Variants in ETV7 observed in about 807,000 individuals in gnomAD.
ETV7 encodes the protein ETS variant transcription factor 7.
A neutral mutation model predicts 39.1 loss-of-function variants in ETV7; 43 were observed. The ratio of observed to expected loss-of-function variants is 1.10; its 90% CI spans 0.86 to 1.42. ETV7 has a LOEUF of 1.42. Ranked by LOEUF, ETV7 falls within the 40% of genes most tolerant of loss-of-function variation. The probability of loss-of-function intolerance (pLI) is 0.00; values close to 1 mark genes in which losing one functional copy is unlikely to be tolerated. For missense variants in ETV7, 432 were observed against 442.3 expected (o/e 0.98, Z 0.21); for synonymous variants, 196 against 176.6 (o/e 1.11, Z -0.87).
At position 36,359,662 on chromosome 6, in the gene ETV7, T is replaced by C. The variant is rs1325159008; in HGVS notation, c.909-4975A>G. ...CACCACCTGCCATTTTATTCTGTAT[T>C]GATTTGTTTATTTATCTGTTCTGGT... is the stretch of plus-strand genomic sequence containing the variant. On this transcript the variant is annotated intron_variant, in intron 7 of 7. Transcript: ENST00000339796. 2.0e-5 allele frequency among the ~76,000 whole-genome samples: 3 copies of C among 152,336 alleles called. No individual in the cohort carries two copies. In the East Asian group the frequency reaches 5.8e-4, roughly 29 times the overall value.
exon 8 of ETV7, chr6:36,354,447 G>A: frequency 2.2e-6 from 1 of 450,648 alleles, no homozygotes; most frequent in Non-Finnish European, 3.9e-6. Context: ...GTAAGGTAAG[G>A]GGACAACTTT....
downstream of ETV7, among the ~76,000 whole-genome samples, chr6:36,361,349 C>T (rs944814457): frequency 6.6e-6 from 1 of 152,216 alleles, no homozygotes; most frequent in East Asian, 1.9e-4. Context: ...CCACCAGATA[C>T]GGACATTTCT....
At chr6:36,385,712 G>A (rs778678832) in intron 1 of ETV7, 43 bp from the exon 2 acceptor site, 20 of 1,560,944 alleles carry the variant, frequency 1.3e-5, no homozygotes, top group South Asian at 6.0e-5. Flanking sequence ...GAGCATCTTG[G>A]TGAAGGCTCA....
rs1051497228 is a variant in ETV7, at chr6:36,366,514, C to A, written c.*131G>T. On this transcript the variant is annotated 3_prime_UTR_variant, in exon 8 of 8. Transcript: ENST00000340181. ...TGGGAGGCCTCCCAGCCTTCCCAAG[C>A]AATGGCTGTAATCCTGTGGGTACAG... is the stretch of plus-strand genomic sequence containing the variant. 28 of 1,532,804 alleles carry A rather than the reference C, an allele frequency of 1.8e-5. No individual in the cohort carries two copies. Among genetic ancestry groups the A allele is most frequent in the Non-Finnish European group, 2.4e-5 (28 of 1,143,420 alleles). 95.0% of individuals were successfully genotyped at this position (1,532,804 alleles called of 1,614,324 possible).
intron 3 of ETV7, among the ~76,000 whole-genome samples, chr6:36,373,843 C>T (rs1773170287): frequency 6.6e-6 from 1 of 152,204 alleles, no homozygotes; most frequent in Admixed American, 6.5e-5. Context: ...ATGCAGCTTG[C>T]AAGGTCAGGC....
chr6:36,361,293 C>T (rs956621280), downstream of ETV7, among the ~76,000 whole-genome samples: 10 of 152,206 alleles, frequency 6.6e-5, no homozygotes, highest in Middle Eastern at 3.2e-3. Context: ...GCCCTGACAC[C>T]GGCATTCAAC....
At chr6:36,363,512 A>G (rs1772600172), downstream of ETV7, among the ~76,000 whole-genome samples, 1 of 152,220 alleles carries the variant, frequency 6.6e-6, no homozygotes, top group South Asian at 2.1e-4. Context: ...TGGCTTCAGG[A>G]GTGAAGCTGC....
intron 6 of ETV7, among the ~76,000 whole-genome samples, 187 bp from the exon 7 acceptor site, chr6:36,367,162 G>T (rs1337284223): frequency 6.6e-6 from 1 of 152,158 alleles, no homozygotes; most frequent in Non-Finnish European, 1.5e-5. Flanking sequence ...AAATGATGGG[G>T]CTGGGCAGGG....
At chr6:36,371,258 C>T in intron 5 of ETV7, 72 bp downstream of exon 5, 2 of 1,411,238 alleles carry the variant, frequency 1.4e-6, no homozygotes, top group Non-Finnish European at 1.9e-6. Context: ...ATAGCCCTGT[C>T]CTCATCACTC....
chr6:36,366,242 A>T lies in ETV7; in HGVS notation c.*403T>A. 4 of 1,034,000 alleles carry T rather than the reference A, an allele frequency of 3.9e-6. No individual in the cohort carries two copies. The highest frequency in any genetic ancestry group is 7.8e-5 in the South Asian group (2 of 25,564). 64.1% of individuals were successfully genotyped at this position (1,034,000 alleles called of 1,614,324 possible). On this transcript the variant is annotated 3_prime_UTR_variant, in exon 8 of 8. Transcript: ENST00000340181. ...TACTGAGGCTGTCAGTGCCGCCTGG[A>T]AGCACTAACACTTTTTCCCATTTCC...
At chr6:36,374,146 C>T (rs971677114) in intron 3 of ETV7, among the ~76,000 whole-genome samples, 1 of 152,060 alleles carries the variant, frequency 6.6e-6, no homozygotes, top group Non-Finnish European at 1.5e-5. Context: ...TTGCTTGAAC[C>T]CAGGAGTTTG....
At chr6:36,375,845 G>A (rs1438060714) in intron 3 of ETV7, 26 bp downstream of exon 3, 3 of 1,613,644 alleles carry the variant, frequency 1.9e-6, no homozygotes, top group African/African-American at 1.3e-5. Context: ...TTCCCGCTTA[G>A]AGGAAAGCCT....
At position 36,385,570 on chromosome 6, in the gene ETV7, C is replaced by G; in HGVS notation, c.106G>C (p.Gly36Arg). The G allele has an allele frequency of 6.2e-7, 1 of 1,614,236 alleles. No homozygotes were observed. Among genetic ancestry groups the G allele is most frequent in the Non-Finnish European group, 8.5e-7 (1 of 1,180,042 alleles). The change falls in exon 2 of 8, where the codon GGT becomes CGT. Residue 36 changes from glycine (G) to arginine (R), a missense_variant. Transcript: ENST00000340181. ...ARCEAQINLL[G>R]EGGICKLPGR... is the part of the protein sequence containing the mutation. ...GGCAGCTTGCAGATCCCCCCTTCAC[C>G]CAGCAGGTTAATTTGAGCTTCACAT... is the stretch of plus-strand genomic sequence containing the variant.
At chr6:36,385,748 T>G in intron 1 of ETV7, 79 bp from the exon 2 acceptor site, 2 of 1,494,056 alleles carry the variant, frequency 1.3e-6, no homozygotes, top group Non-Finnish European at 1.8e-6. Context: ...CTTAAGAATT[T>G]TTTTGGAAGG....
At chr6:36,382,138 C>A (rs761322585) in intron 2 of ETV7, among the ~76,000 whole-genome samples, 5 of 152,150 alleles carry the variant, frequency 3.3e-5, no homozygotes, top group Non-Finnish European at 7.4e-5. Context: ...AGGCCATGAT[C>A]TAGGGCAGCA....
Position 36,366,634 on chromosome 6 carries a change from C to T in ETV7, c.*11G>A. The T allele has an allele frequency of 1.9e-6, 3 of 1,614,130 alleles. No individual in the cohort carries two copies. The highest frequency in any genetic ancestry group is 1.7e-6 in the Non-Finnish European group (2 of 1,180,022). The stretch of plus-strand genomic sequence containing the variant: ...CCCATCGGTACCGGGTGCCTGGAGT[C>T]CACCTGCCCCTCACGGAGAGATTTC... On this transcript the variant is annotated 3_prime_UTR_variant, in exon 8 of 8. Coordinates refer to ENST00000340181, the MANE Select transcript of ETV7 (RefSeq NM_016135.4).
chr6:36,383,203 TG>T (rs1428348702), intron 2 of ETV7, among the ~76,000 whole-genome samples: 1 of 152,218 alleles, frequency 6.6e-6, no homozygotes, highest in African/African-American at 2.4e-5. Context: ...CAGACCCTCA[TG>T]GCCATGGACC....
At chr6:36,364,731 C>T (rs1311408426), downstream of ETV7, among the ~76,000 whole-genome samples, 2 of 152,164 alleles carry the variant, frequency 1.3e-5, no homozygotes, top group African/African-American at 4.8e-5. Context: ...AGTGGGAGCC[C>T]AGGCAGAGGA....
At chr6:36,371,665 T>C in intron 4 of ETV7, 105 bp from the exon 5 acceptor site, 1 of 1,026,228 alleles carries the variant, frequency 9.7e-7, no homozygotes, top group Admixed American at 2.1e-5. Flanking sequence ...GCACTCCTGA[T>C]GCTCTTTCTC....
Sources: allele counts gnomAD v4.1 joint callset (sites outside exome capture counted in the v4.1 genomes callset), GRCh38; gene constraint gnomAD v4.1.1; transcripts MANE v1.5; gene names NCBI Gene and HGNC (gene_info 2026-07-23, HGNC 2026-07-21).